The following EPHA5 variants were observed in gnomAD, a reference collection of about 807,000 sequenced individuals.
The protein encoded by EPHA5 is ephrin type-A receptor 5.
Under a neutral mutation model 105.0 loss-of-function variants are expected in EPHA5, and 60 were observed. That is an observed-to-expected ratio of 0.57 (90% CI 0.46 to 0.71). The LOEUF (loss-of-function observed/expected upper bound fraction) is 0.71, where lower values mean the gene tolerates loss of function less well. EPHA5 is among the 30% of genes least tolerant of loss of function. The pLI, the probability that EPHA5 is intolerant of heterozygous loss-of-function variation, is 0.00. For synonymous variants in EPHA5, 513 were observed against 449.1 expected (o/e 1.14, Z -1.80); for missense variants, 1,218 against 1,274.7 (o/e 0.96, Z 0.68).
At chr4:65,567,707 C>A (rs966835773) in intron 3 of EPHA5, among the ~76,000 whole-genome samples, 1 of 151,506 alleles carries the variant, frequency 6.6e-6, no homozygotes, top group Non-Finnish European at 1.5e-5. Flanking sequence ...TATGACTGCA[C>A]CTATTAACCA....
chr4:65,429,113 T>C (rs933693951), intron 5 of EPHA5, among the ~76,000 whole-genome samples: 2 of 152,058 alleles, frequency 1.3e-5, no homozygotes, highest in African/African-American at 2.4e-5. Context: ...TTGATCTTAA[T>C]AACCACAATC....
chr4:65,451,578 T>C (rs1466574572), intron 5 of EPHA5, among the ~76,000 whole-genome samples: 1 of 152,162 alleles, frequency 6.6e-6, no homozygotes, highest in Non-Finnish European at 1.5e-5. Context: ...GAGTCAAATA[T>C]GTCCTTGAGC....
intron 3 of EPHA5, among the ~76,000 whole-genome samples, chr4:65,496,691 C>T (rs538260508): frequency 3.9e-5 from 6 of 151,946 alleles, no homozygotes; most frequent in East Asian, 3.9e-4. Flanking sequence ...AATAAACATA[C>T]GTGTGCATGT....
chr4:65,655,998 T>C (rs1378784068), intron 1 of EPHA5, among the ~76,000 whole-genome samples: 1 of 151,920 alleles, frequency 6.6e-6, no homozygotes, highest in Admixed American at 6.6e-5. Context: ...TAAAAAGATG[T>C]CTCAGAAGTA....
At chr4:65,574,757 T>TATATAC (rs1227799994) in intron 3 of EPHA5, among the ~76,000 whole-genome samples, 141 of 139,518 alleles carry the variant, frequency 1.0e-3, no homozygotes, top group African/African-American at 2.7e-3. Flanking sequence ...TATATATATA[T>TATATAC]ACACAGTAAT....
intron 5 of EPHA5, among the ~76,000 whole-genome samples, chr4:65,449,334 G>A (rs1726858079): frequency 6.6e-6 from 1 of 152,012 alleles, no homozygotes; most frequent in Non-Finnish European, 1.5e-5. Flanking sequence ...ATTAATGAGG[G>A]TTTAAAAAAA....
chr4:65,423,938 T>A (rs1034630720), intron 5 of EPHA5, among the ~76,000 whole-genome samples: 1 of 152,002 alleles, frequency 6.6e-6, no homozygotes, highest in Non-Finnish European at 1.5e-5. Flanking sequence ...TACATATTCC[T>A]ATACATAACT....
At chr4:65,333,394 A>C (rs1458625812) in intron 15 of EPHA5, among the ~76,000 whole-genome samples, 1 of 151,620 alleles carries the variant, frequency 6.6e-6, no homozygotes, top group Non-Finnish European at 1.5e-5. Flanking sequence ...AAAATCTGTG[A>C]GCACTTTTCA....
At chr4:65,663,206 A>G (rs1193504664) in intron 1 of EPHA5, among the ~76,000 whole-genome samples, 1 of 152,152 alleles carries the variant, frequency 6.6e-6, no homozygotes, top group Non-Finnish European at 1.5e-5. Context: ...CAAAACATAG[A>G]CACTTTTTTA....
At chr4:65,469,563 A>G (rs935658125) in intron 5 of EPHA5, among the ~76,000 whole-genome samples, 8 of 152,198 alleles carry the variant, frequency 5.3e-5, no homozygotes, top group Non-Finnish European at 8.8e-5. Flanking sequence ...ATCTCAGAGC[A>G]AAAGGGCAGA....
intron 3 of EPHA5, among the ~76,000 whole-genome samples, chr4:65,576,053 AGAAAG>A (rs1418341251): frequency 1.3e-5 from 1 of 75,340 alleles, no homozygotes; most frequent in Non-Finnish European, 2.5e-5. Context: ...AAAGAAAGAA[AGAAAG>A]AAAAGAAAAG....
intron 2 of EPHA5, among the ~76,000 whole-genome samples, chr4:65,603,781 A>T (rs1009946811): frequency 1.3e-5 from 2 of 152,028 alleles, no homozygotes; most frequent in Non-Finnish European, 2.9e-5. Flanking sequence ...ACTAAATCTC[A>T]TTTTTGTCCT....
chr4:65,414,552 T>C (rs1723213554), intron 6 of EPHA5, 109 bp from the exon 7 acceptor site: 1 of 1,154,254 alleles, frequency 8.7e-7, no homozygotes, highest in Non-Finnish European at 1.2e-6. Context: ...AAGGACTCTA[T>C]TAGTACAAAT....
chr4:65,413,077 A>T (rs1723064585), intron 7 of EPHA5, among the ~76,000 whole-genome samples: 1 of 152,066 alleles, frequency 6.6e-6, no homozygotes, highest in South Asian at 2.1e-4. Context: ...TTTTTCCTAC[A>T]TCCCTTTTAG....
At chr4:65,389,150 TC>T (rs1317949117) in intron 8 of EPHA5, among the ~76,000 whole-genome samples, 1 of 152,032 alleles carries the variant, frequency 6.6e-6, no homozygotes, top group Non-Finnish European at 1.5e-5. Flanking sequence ...CTTATATTTT[TC>T]CTTGCAGCAA....
At chr4:65,653,917 A>G (rs1051529671) in intron 1 of EPHA5, among the ~76,000 whole-genome samples, 2 of 152,086 alleles carry the variant, frequency 1.3e-5, no homozygotes, top group African/African-American at 2.4e-5. Context: ...TTAGCAAACA[A>G]TGATAATCGT....
At chr4:65,408,005 T>C (rs1442497038) in intron 7 of EPHA5, among the ~76,000 whole-genome samples, 2 of 152,138 alleles carry the variant, frequency 1.3e-5, no homozygotes, top group Non-Finnish European at 2.9e-5. Flanking sequence ...GCTCAAGTGA[T>C]TCGCCCACCA....
At chr4:65,402,418 T>C (rs964074732) in intron 8 of EPHA5, among the ~76,000 whole-genome samples, 4 of 152,184 alleles carry the variant, frequency 2.6e-5, no homozygotes, top group Non-Finnish European at 5.9e-5. Flanking sequence ...TCAAACATTT[T>C]ATCTAATGTG....
chr4:65,604,069 C>T (rs192520578), intron 2 of EPHA5, among the ~76,000 whole-genome samples: 216 of 4,262 alleles, frequency 0.051, 2 homozygotes, highest in Non-Finnish European at 0.17. Context: ...AATCTCTTCT[C>T]TATAAAAAGA....
Sources: gnomAD v4.1 joint callset for allele counts (sites outside exome capture counted in the v4.1 genomes callset) on GRCh38, gnomAD v4.1.1 for gene constraint, MANE v1.5 for transcripts, NCBI Gene and HGNC (gene_info 2026-07-23, HGNC 2026-07-21) for gene names.